Variants in SNX29 observed in about 807,000 individuals in gnomAD.
The protein encoded by SNX29 is sorting nexin-29.
A neutral mutation model predicts 102.1 loss-of-function variants in SNX29; 78 were observed. That is an observed-to-expected ratio of 0.76 (90% CI 0.64 to 0.92). SNX29 has a LOEUF of 0.92. Among genes scored for constraint, SNX29 ranks in the 40% least tolerant of loss-of-function variants. The pLI, the probability that SNX29 is intolerant of heterozygous loss-of-function variation, is 0.00. For missense variants in SNX29, 1,280 were observed against 1,061.7 expected (o/e 1.21, Z -2.86); for synonymous variants, 580 against 414.5 (o/e 1.40, Z -4.85).
chr16:12,396,365 G>T (rs1483733381), intron 16 of SNX29, among the ~76,000 whole-genome samples: 1 of 152,170 alleles, frequency 6.6e-6, no homozygotes, highest in Non-Finnish European at 1.5e-5. Flanking sequence ...TGAGGTTCCT[G>T]GGTGCAAACT....
chr16:12,050,532 G>A (rs1472642695), intron 7 of SNX29, among the ~76,000 whole-genome samples: 1 of 152,168 alleles, frequency 6.6e-6, no homozygotes, highest in East Asian at 1.9e-4. Context: ...ATCCAAGATG[G>A]CCCCATCCAC....
At chr16:12,148,727 C>T (rs1403284123) in intron 13 of SNX29, among the ~76,000 whole-genome samples, 4 of 152,078 alleles carry the variant, frequency 2.6e-5, no homozygotes, top group Non-Finnish European at 5.9e-5. Context: ...GGTGGCATCT[C>T]GCTCTTGTTG....
chr16:12,544,640 A>C (rs1433570046), intron 20 of SNX29, among the ~76,000 whole-genome samples: 1 of 152,228 alleles, frequency 6.6e-6, no homozygotes, highest in African/African-American at 2.4e-5. Flanking sequence ...CGGCAGGTTC[A>C]TGTCAGACTG....
At chr16:12,374,667 C>T (rs914970490) in intron 16 of SNX29, 8 of 152,184 alleles carry the variant, frequency 5.3e-5, no homozygotes, top group Non-Finnish European at 1.0e-4. Context: ...ATGGTGCCGT[C>T]GGCCACTGGG....
intron 20 of SNX29, among the ~76,000 whole-genome samples, chr16:12,550,151 G>T (rs7198031): frequency 6.6e-6 from 1 of 152,072 alleles, no homozygotes; most frequent in Non-Finnish European, 1.5e-5. Flanking sequence ...CTTCCATACC[G>T]CATGTAGTGA....
intron 16 of SNX29, among the ~76,000 whole-genome samples, chr16:12,397,411 G>A (rs900941995): frequency 2.6e-5 from 4 of 152,146 alleles, no homozygotes; most frequent in East Asian, 3.8e-4. Flanking sequence ...CCTGAGCCTC[G>A]GTTTCCTCAT....
At chr16:12,302,523 G>A (rs1391711796) in intron 15 of SNX29, among the ~76,000 whole-genome samples, 1 of 152,176 alleles carries the variant, frequency 6.6e-6, no homozygotes, top group Non-Finnish European at 1.5e-5. Flanking sequence ...GTTCATAGAG[G>A]GCATGTTCTT....
At chr16:12,519,102 C>T (rs906255125) in intron 19 of SNX29, among the ~76,000 whole-genome samples, 12 of 152,198 alleles carry the variant, frequency 7.9e-5, no homozygotes, top group Non-Finnish European at 1.5e-4. Flanking sequence ...AGCCCCTACC[C>T]ACTGGCAGGG....
At chr16:12,546,249 G>C (rs1012788976) in intron 20 of SNX29, 2 of 152,170 alleles carry the variant, frequency 1.3e-5, no homozygotes, top group Non-Finnish European at 1.5e-5. Context: ...ACCTCTTTTC[G>C]ACCCTTCGTA....
chr16:12,361,156 G>C lies in SNX29; in HGVS notation c.1899+4877G>C, dbSNP rs111403281. ...GGGATGTGGGGATGGAGGCCTGGCT[G>C]TGACCTGTCTCCCAGTGTGAGTGGG... On this transcript the variant is annotated intron_variant, in intron 16 of 20. Coordinates refer to ENST00000566228, the MANE Select transcript of SNX29 (RefSeq NM_032167.5). Among the ~76,000 whole-genome samples the C allele has an allele frequency of 4.8e-3, 728 of 152,326 alleles. 5 individuals carry two copies. The highest frequency in any genetic ancestry group is 0.017 in the African/African-American group (706 of 41,574).
chr16:12,330,602 G>C (rs932422885), intron 15 of SNX29, among the ~76,000 whole-genome samples: 1 of 152,182 alleles, frequency 6.6e-6, no homozygotes, highest in African/African-American at 2.4e-5. Context: ...AGTCCCAGTG[G>C]GTTGAAATAG....
chr16:12,463,829 TGTGTGTGTGTGTGTGTGTGTGTGTGA>T (rs2086924501), intron 18 of SNX29, among the ~76,000 whole-genome samples: 1 of 150,730 alleles, frequency 6.6e-6, no homozygotes, highest in East Asian at 2.0e-4. Flanking sequence ...TGTGTGTGTG[TGTGTGTGTGTGTGTGTGTGTGTGTGA>T]GAGATGACAC....
At chr16:12,357,160 G>T (rs950998421) in intron 16 of SNX29, among the ~76,000 whole-genome samples, 2 of 152,138 alleles carry the variant, frequency 1.3e-5, no homozygotes, top group Non-Finnish European at 2.9e-5. Context: ...TATGTAAAAT[G>T]CCCACATTCA....
chr16:12,562,354 A>AT (rs2078774331), intron 20 of SNX29, among the ~76,000 whole-genome samples: 1 of 150,286 alleles, frequency 6.7e-6, no homozygotes, highest in Non-Finnish European at 1.5e-5. Context: ...TTCCCCCTTT[A>AT]TTTTTGCTTG....
chr16:12,436,589 T>C (rs2085550793), intron 18 of SNX29, among the ~76,000 whole-genome samples: 1 of 152,244 alleles, frequency 6.6e-6, no homozygotes, highest in Non-Finnish European at 1.5e-5. Context: ...CCCTGGTGCC[T>C]GGAAGGACTC....
intron 13 of SNX29, among the ~76,000 whole-genome samples, chr16:12,159,840 C>T (rs1022975707): frequency 3.9e-5 from 6 of 152,230 alleles, no homozygotes; most frequent in African/African-American, 1.2e-4. Context: ...AGGTCCTTTG[C>T]TGCTACTCCC....
rs1285907587 is a variant in SNX29, at chr16:12,503,264, A to T, written c.2179-21438A>T. Among the ~76,000 whole-genome samples, 3 of 152,282 alleles carry T rather than the reference A, an allele frequency of 2.0e-5. No individual in the cohort carries two copies. In the East Asian group the frequency reaches 5.8e-4, roughly 29 times the overall value. ...CCTTTTTGTGAAGCAGGTGCTGGAT[A>T]AATAATTAATAGGGTGGGAAGAATG... On this transcript the variant is annotated intron_variant, in intron 19 of 20. Coordinates refer to ENST00000566228, the MANE Select transcript of SNX29 (RefSeq NM_032167.5).
intron 18 of SNX29, among the ~76,000 whole-genome samples, chr16:12,435,625 T>C (rs1287665241): frequency 2.0e-5 from 3 of 152,220 alleles, no homozygotes; most frequent in Admixed American, 6.5e-5. Context: ...AGTTTAGATA[T>C]GTATTTCCTC....
intron 14 of SNX29, among the ~76,000 whole-genome samples, chr16:12,230,209 T>C (rs1701134): frequency 0.47 from 71,010 of 152,114 alleles, 17,807 homozygotes; most frequent in Non-Finnish European, 0.57. Flanking sequence ...CTGCAAACTG[T>C]CTTGAAAGCT....
Sources: gnomAD v4.1 joint callset for allele counts (sites outside exome capture counted in the v4.1 genomes callset) on GRCh38, gnomAD v4.1.1 for gene constraint, MANE v1.5 for transcripts, NCBI Gene and HGNC (gene_info 2026-07-23, HGNC 2026-07-21) for gene names.